Variants in PPP1R13B observed in about 807,000 individuals in gnomAD.
PPP1R13B encodes the protein protein phosphatase 1 regulatory subunit 13B, also known as apoptosis-stimulating of p53 protein 1.
PPP1R13B carries 44 observed loss-of-function variants against 119.8 expected under a neutral mutation model. The ratio of observed to expected loss-of-function variants is 0.37; its 90% CI spans 0.29 to 0.47. PPP1R13B has a LOEUF of 0.47. PPP1R13B is among the 20% of genes least tolerant of loss of function. The pLI, the probability that PPP1R13B is intolerant of heterozygous loss-of-function variation, is 0.99. For missense variants in PPP1R13B, 1,227 were observed against 1,413.5 expected (o/e 0.87, Z 2.12); for synonymous variants, 542 against 561.5 (o/e 0.97, Z 0.49).
At chr14:103,777,520 G>C (rs542996325) in intron 4 of PPP1R13B, among the ~76,000 whole-genome samples, 1 of 152,134 alleles carries the variant, frequency 6.6e-6, no homozygotes, top group East Asian at 1.9e-4. Context: ...CCCATCTGCC[G>C]CCACAGAGAT....
At chr14:103,789,205 T>C (rs965552044) in intron 2 of PPP1R13B, among the ~76,000 whole-genome samples, 6 of 152,066 alleles carry the variant, frequency 3.9e-5, no homozygotes, top group Admixed American at 6.6e-5. Flanking sequence ...AAGTGAACTG[T>C]ACTGTGTATT....
At chr14:103,802,795 T>G (rs1481209990) in intron 1 of PPP1R13B, among the ~76,000 whole-genome samples, 2 of 152,164 alleles carry the variant, frequency 1.3e-5, no homozygotes, top group Non-Finnish European at 2.9e-5. Flanking sequence ...GATGACAGGT[T>G]GTAAATCTGG....
chr14:103,746,918 C>T (rs2084399320), intron 8 of PPP1R13B: 1 of 164,278 alleles, frequency 6.1e-6, no homozygotes, highest in South Asian at 1.9e-4. Flanking sequence ...GCTTCAAATC[C>T]CCTCTGTGAC....
intron 1 of PPP1R13B, chr14:103,804,089 A>AT (rs112693633): frequency 2.1e-3 from 1,935 of 907,884 alleles, no homozygotes; most frequent in Non-Finnish European, 2.3e-3. Flanking sequence ...AACTTGCTCC[A>AT]TTTTTTTTTT....
rs2084062009 is a variant in PPP1R13B, at chr14:103,735,117, G to A, written c.*37C>T. 3 of 1,612,950 alleles carry A rather than the reference G, an allele frequency of 1.9e-6. No individual in the cohort carries two copies. The highest frequency in any genetic ancestry group is 2.2e-5 in the South Asian group (2 of 91,056). On this transcript the variant is annotated 3_prime_UTR_variant, in exon 17 of 17. Transcript: ENST00000202556. ...ACAATAATCTCTTAAGTGGCTCCTG[G>A]TAGCTGGCAAGACCATGCGGTGCTC... is the stretch of plus-strand genomic sequence containing the variant.
At chr14:103,753,431 C>A (rs1234117048) in intron 6 of PPP1R13B, among the ~76,000 whole-genome samples, 3 of 152,052 alleles carry the variant, frequency 2.0e-5, no homozygotes, top group Admixed American at 6.5e-5. Flanking sequence ...GTAATCAGTC[C>A]ATAAGCTAGT....
At chr14:103,755,474 T>C (rs1440587180) in intron 5 of PPP1R13B, among the ~76,000 whole-genome samples, 5 of 152,188 alleles carry the variant, frequency 3.3e-5, no homozygotes, top group Non-Finnish European at 7.3e-5. Context: ...AATAACAATA[T>C]ATGCAACATT....
In PPP1R13B at chr14:103,749,893, C is replaced by A; in HGVS notation, c.870G>T (p.Gln290His). The A allele has an allele frequency of 1.2e-6, 2 of 1,614,094 alleles. No homozygotes were observed. The highest frequency in any genetic ancestry group is 1.7e-6 in the Non-Finnish European group (2 of 1,179,996). Residue 290 changes from glutamine (Q) to histidine (H), a missense_variant, in exon 8 of 17, where the codon CAG becomes CAT. Coordinates refer to ENST00000202556, the MANE Select transcript of PPP1R13B (RefSeq NM_015316.3). ...QLNQEQNSKL[Q>H]QQKELLNKRN... ...GCTTATTTAAGAGTTCCTTCTGCTG[C>A]TGAAGTTTTGAATTTTGTTCCTGGT...
At chr14:103,747,276 TTTCGGG>T (rs2084409989) in intron 8 of PPP1R13B, 1 of 152,168 alleles carries the variant, frequency 6.6e-6, no homozygotes, top group East Asian at 1.9e-4. Flanking sequence ...GGACAGGTCA[TTTCGGG>T]GTGAGGGGTT....
At chr14:103,791,227 T>C (rs1013307343) in intron 2 of PPP1R13B, among the ~76,000 whole-genome samples, 3 of 151,990 alleles carry the variant, frequency 2.0e-5, no homozygotes, top group Admixed American at 2.0e-4. Context: ...GCTCAAGGGA[T>C]CCTCCTGCCT....
At chr14:103,814,632 A>G (rs2086235371) in intron 1 of PPP1R13B, among the ~76,000 whole-genome samples, 2 of 152,138 alleles carry the variant, frequency 1.3e-5, no homozygotes, top group Admixed American at 1.3e-4. Flanking sequence ...TGACGAGACC[A>G]CATCACTATT....
At chr14:103,762,989 G>C (rs1852396409) in intron 4 of PPP1R13B, 9 of 1,409,232 alleles carry the variant, frequency 6.4e-6, no homozygotes, top group Non-Finnish European at 8.9e-6. Flanking sequence ...AGTGAAGAAA[G>C]ACAAACGGCA....
intron 3 of PPP1R13B, among the ~76,000 whole-genome samples, chr14:103,783,646 G>A (rs559559798): frequency 6.6e-6 from 1 of 151,770 alleles, no homozygotes; most frequent in Admixed American, 6.6e-5. Context: ...TCACCTCCTG[G>A]GCTCAATCGA....
intron 1 of PPP1R13B, among the ~76,000 whole-genome samples, chr14:103,834,958 A>G (rs867952480): frequency 2.6e-5 from 4 of 152,164 alleles, no homozygotes; most frequent in African/African-American, 7.2e-5. Context: ...AGATTTTGCA[A>G]TTAACCACCT....
intron 4 of PPP1R13B, among the ~76,000 whole-genome samples, chr14:103,767,128 C>A (rs2084955864): frequency 6.6e-6 from 1 of 152,012 alleles, no homozygotes; most frequent in Non-Finnish European, 1.5e-5. Context: ...CCAGCCTGGG[C>A]AACATATGAG....
At chr14:103,747,788 C>T (rs2084424788) in intron 8 of PPP1R13B, among the ~76,000 whole-genome samples, 1 of 152,178 alleles carries the variant, frequency 6.6e-6, no homozygotes, top group African/African-American at 2.4e-5. Context: ...TGAGTTACTT[C>T]ACTTAGAATA....
chr14:103,759,832 T>A (rs1184930874), intron 4 of PPP1R13B, among the ~76,000 whole-genome samples: 1 of 152,214 alleles, frequency 6.6e-6, no homozygotes, highest in African/African-American at 2.4e-5. Flanking sequence ...ATTAAAATAT[T>A]TTACTTACCT....
intron 1 of PPP1R13B, among the ~76,000 whole-genome samples, chr14:103,816,598 T>C (rs1595816082): frequency 6.7e-6 from 1 of 149,638 alleles, no homozygotes; most frequent in East Asian, 2.0e-4. Flanking sequence ...GGCAGGAGAA[T>C]CGCTTGTACC....
Position 103,734,509 on chromosome 14 carries a change from T to C in PPP1R13B, c.*645A>G, listed in dbSNP as rs930762678. On this transcript the variant is annotated 3_prime_UTR_variant, in exon 17 of 17. Coordinates refer to ENST00000202556, the MANE Select transcript of PPP1R13B (RefSeq NM_015316.3). ...TTGGTCTTAGGGGTCCTGGTGCCCG[T>C]GGCGCGGCAGTCCAGCCACAGTGCT... 2.8e-5 allele frequency: 13 copies of C among 456,198 alleles called. No homozygotes were observed. The highest frequency in any genetic ancestry group is 3.1e-5 in the Non-Finnish European group (7 of 226,790). The allele number at this position is 456,198 out of a possible 1,614,324, so 28.3% of individuals were successfully genotyped here.
Sources: allele counts gnomAD v4.1 joint callset (sites outside exome capture counted in the v4.1 genomes callset), GRCh38; gene constraint gnomAD v4.1.1; transcripts MANE v1.5; gene names NCBI Gene and HGNC (gene_info 2026-07-23, HGNC 2026-07-21).